Variants in SLC9A4 observed in about 807,000 individuals in gnomAD.
SLC9A4 encodes sodium/hydrogen exchanger 4.
A neutral mutation model predicts 67.4 loss-of-function variants in SLC9A4; 63 were observed. The ratio of observed to expected loss-of-function variants is 0.93; its 90% CI spans 0.76 to 1.15. The LOEUF is 1.15. SLC9A4 is among the 50% of genes most tolerant of loss of function. The probability of loss-of-function intolerance (pLI) is 0.00; values close to 1 mark genes in which losing one functional copy is unlikely to be tolerated. For synonymous variants in SLC9A4, 393 were observed against 367.2 expected, an observed-to-expected ratio of 1.07 and a Z score of -0.80; for missense variants, 1,089 against 987.7, an observed-to-expected ratio of 1.10 and a Z score of -1.38.
intron 2 of SLC9A4, among the ~76,000 whole-genome samples, chr2:102,497,099 AT>A (rs1328939794): frequency 6.6e-6 from 1 of 152,092 alleles, no homozygotes; most frequent in African/African-American, 2.4e-5. Context: ...CACCCAGCTA[AT>A]TTTTGTATTT....
chr2:102,479,463 G>C (rs1436698127), intron 2 of SLC9A4, among the ~76,000 whole-genome samples, 161 bp downstream of exon 2: 1 of 152,106 alleles, frequency 6.6e-6, no homozygotes, highest in Non-Finnish European at 1.5e-5. Flanking sequence ...GAATTTCCTT[G>C]GGATCTGCAC....
chr2:102,484,777 G>T (rs776517178), intron 2 of SLC9A4, among the ~76,000 whole-genome samples: 1 of 152,146 alleles, frequency 6.6e-6, no homozygotes, highest in East Asian at 1.9e-4. Context: ...CATCAGAGAG[G>T]TCAAAGGCCC....
At chr2:102,493,846 A>G (rs1684754135) in intron 2 of SLC9A4, among the ~76,000 whole-genome samples, 1 of 151,860 alleles carries the variant, frequency 6.6e-6, no homozygotes, top group African/African-American at 2.4e-5. Flanking sequence ...GACAGAAAAA[A>G]CAGTTACCAT....
At chr2:102,474,725 C>T (rs1684292210) in intron 1 of SLC9A4, among the ~76,000 whole-genome samples, 1 of 152,162 alleles carries the variant, frequency 6.6e-6, no homozygotes, top group African/African-American at 2.4e-5. Flanking sequence ...TGTTTAATCC[C>T]TAACTGCTCC....
In SLC9A4 at chr2:102,474,029, C is replaced by T. The variant is rs767585881; in HGVS notation, c.256+14C>T. ...TTGCAAAAATAGGTAAGTCCTTAAA[C>T]ACCTGGTTTGGTGAGTTATCTTTTT... On this transcript the variant is annotated intron_variant, in intron 1 of 11. Coordinates refer to ENST00000295269, the MANE Select transcript of SLC9A4 (RefSeq NM_001011552.4). 12 of 1,609,814 alleles carry T rather than the reference C, an allele frequency of 7.5e-6. No individual in the cohort carries two copies. Among genetic ancestry groups the T allele is most frequent in the East Asian group, 4.5e-5 (2 of 44,816 alleles).
At chr2:102,518,897 T>C (rs761514588) in intron 8 of SLC9A4, among the ~76,000 whole-genome samples, 2 of 152,216 alleles carry the variant, frequency 1.3e-5, no homozygotes, top group African/African-American at 4.8e-5. Flanking sequence ...TTAAGGTTTA[T>C]ATCAAGATGT....
intron 1 of SLC9A4, 148 bp downstream of exon 1, chr2:102,474,163 A>G (rs1456949271): frequency 1.0e-6 from 1 of 959,698 alleles, no homozygotes; most frequent in Non-Finnish European, 1.5e-6. Context: ...AGGGAAAGTC[A>G]TAACTGCATT....
chr2:102,505,482 G>T lies in SLC9A4; in HGVS notation c.1198+11G>T, dbSNP rs746841306. ...TCTGGAGAGCCATCAGTAAGAGACG[G>T]CAGGGCTCCAGAGTCTCCGGTCCTG... is the stretch of plus-strand genomic sequence containing the variant. On this transcript the variant is annotated intron_variant, in intron 4 of 11. Coordinates refer to ENST00000295269, the MANE Select transcript of SLC9A4 (RefSeq NM_001011552.4). The T allele has an allele frequency of 3.7e-6, 6 of 1,612,170 alleles. No individual in the cohort carries two copies. The African/African-American group carries it at 8.0e-5, about 22-fold the overall frequency.
chr2:102,513,418 C>T (rs1184607617), intron 7 of SLC9A4, among the ~76,000 whole-genome samples: 1 of 152,216 alleles, frequency 6.6e-6, no homozygotes, highest in Non-Finnish European at 1.5e-5. Context: ...AATTCCAACT[C>T]CAAACAAATG....
intron 10 of SLC9A4, among the ~76,000 whole-genome samples, chr2:102,525,575 T>C (rs1674644156): frequency 6.6e-6 from 1 of 151,946 alleles, no homozygotes; most frequent in Non-Finnish European, 1.5e-5. Flanking sequence ...GGATTGGTTG[T>C]TACCAAGACT....
At chr2:102,495,073 A>T (rs1684779042) in intron 2 of SLC9A4, among the ~76,000 whole-genome samples, 1 of 152,098 alleles carries the variant, frequency 6.6e-6, no homozygotes, top group Non-Finnish European at 1.5e-5. Flanking sequence ...AAAAATGGCC[A>T]TACATTTGAC....
chr2:102,518,602 T>C (rs956489108), intron 8 of SLC9A4, among the ~76,000 whole-genome samples: 1 of 152,248 alleles, frequency 6.6e-6, no homozygotes, highest in Non-Finnish European at 1.5e-5. Context: ...ATAGCATTGC[T>C]AAACAAAATC....
rs1002609958 is a variant in SLC9A4, at chr2:102,514,167, T to A, written c.1637T>A (p.Leu546Ter). The A allele has an allele frequency of 6.8e-6, 11 of 1,614,152 alleles. No individual in the cohort carries two copies. Among genetic ancestry groups the A allele is most frequent in the Non-Finnish European group, 9.3e-6 (11 of 1,180,020 alleles). ...CTACCCAAATCAAGCATTGTTTCTTTGTACAAGAAGCTGGAAATGAAGCAA... is the reference window on the plus strand; with the variant it reads ...CTACCCAAATCAAGCATTGTTTCTTAGTACAAGAAGCTGGAAATGAAGCAA... ...KNLPKSSIVS[L>*]YKKLEMKQAI... is the part of the protein sequence containing the mutation. Residue 546 changes from leucine (L) to a stop codon, truncating the protein, a stop_gained, in exon 8 of 12, where the codon TTG becomes TAG. Transcript: ENST00000295269. LOFTEE classifies it high-confidence loss of function.
Position 102,532,775 on chromosome 2 carries a change from G to C in SLC9A4, c.*87G>C, listed in dbSNP as rs1247092943. 3.7e-6 allele frequency: 5 copies of C among 1,345,570 alleles called. No homozygotes were observed. The African/African-American group carries it at 7.3e-5, about 20-fold the overall frequency. The allele number at this position is 1,345,570 out of a possible 1,614,324, so 83.4% of individuals were successfully genotyped here. A position where few individuals can be genotyped will look rare whatever the true frequency, so the allele number is the denominator to read the frequency against. ...AGGAGGATTTCTGGAATTCAGAAGAGAGCTATTGAGTTTGCTGTGTTGAAG... is the reference window on the plus strand; with the variant it reads ...AGGAGGATTTCTGGAATTCAGAAGACAGCTATTGAGTTTGCTGTGTTGAAG... On this transcript the variant is annotated 3_prime_UTR_variant, in exon 12 of 12. Transcript: ENST00000295269.
chr2:102,475,459 G>A (rs1163472414), intron 1 of SLC9A4, among the ~76,000 whole-genome samples: 1 of 152,158 alleles, frequency 6.6e-6, no homozygotes, highest in Non-Finnish European at 1.5e-5. Context: ...ACATCTAAAC[G>A]CAGAAAGGCT....
intron 8 of SLC9A4, among the ~76,000 whole-genome samples, chr2:102,519,297 C>T (rs1685344825): frequency 1.3e-5 from 2 of 152,170 alleles, no homozygotes; most frequent in Admixed American, 1.3e-4. Flanking sequence ...AAAATCCCTA[C>T]AGATACAATT....
intron 6 of SLC9A4, among the ~76,000 whole-genome samples, chr2:102,509,877 C>T (rs1262423436): frequency 2.6e-5 from 4 of 152,282 alleles, no homozygotes; most frequent in East Asian, 1.9e-4. Flanking sequence ...AAGGAGTCAT[C>T]GATACTAAGC....
In SLC9A4 at chr2:102,508,860, G is replaced by A. The variant is rs1186644825; in HGVS notation, c.1415G>A (p.Gly472Asp). ...TTTCTGATCTAGGGAATCACAGTTGGCCCTCTGGTCAGGTACCTGGATGTT... is the reference window on the plus strand; with the variant it reads ...TTTCTGATCTAGGGAATCACAGTTGACCCTCTGGTCAGGTACCTGGATGTT... ...FTVFIQGITV[G>D]PLVRYLDVKK... Residue 472 changes from glycine to aspartate, a missense_variant, in exon 6 of 12, where the codon GGC becomes GAC. Physicochemically the swap from Gly to Asp is moderately conservative, Grantham distance 94. Coordinates refer to ENST00000295269, the MANE Select transcript of SLC9A4 (RefSeq NM_001011552.4). The A allele has an allele frequency of 1.9e-6, 3 of 1,612,200 alleles. No individual in the cohort carries two copies. The highest frequency in any genetic ancestry group is 2.5e-6 in the Non-Finnish European group (3 of 1,179,398).
chr2:102,510,461 C>G (rs1382038660), intron 6 of SLC9A4, among the ~76,000 whole-genome samples: 1 of 152,194 alleles, frequency 6.6e-6, no homozygotes, highest in Non-Finnish European at 1.5e-5. Flanking sequence ...TTTTCTTCAT[C>G]AGGGAAGCCT....
Sources: allele counts gnomAD v4.1 joint callset (sites outside exome capture counted in the v4.1 genomes callset), GRCh38; gene constraint gnomAD v4.1.1; transcripts MANE v1.5; gene names NCBI Gene and HGNC (gene_info 2026-07-23, HGNC 2026-07-21).